Variants in SPAG16 observed in about 807,000 individuals in gnomAD.
The protein encoded by SPAG16 is sperm-associated antigen 16 protein.
In SPAG16, 86 loss-of-function variants were observed where a neutral mutation model predicts 80.4. The observed-to-expected ratio is 1.07, with a 90% CI of 0.90 to 1.28. The LOEUF is 1.28. Among genes scored for constraint, SPAG16 ranks in the 50% most tolerant of loss-of-function variants. The pLI is 0.00. For missense variants in SPAG16, 870 were observed against 765.3 expected (o/e 1.14, Z -1.61); for synonymous variants, 294 against 265.9 (o/e 1.11, Z -1.03).
intron 15 of SPAG16, among the ~76,000 whole-genome samples, chr2:214,309,589 A>G (rs1695144878): frequency 6.6e-6 from 1 of 151,300 alleles, no homozygotes; most frequent in South Asian, 2.1e-4. Context: ...ATCCTATTTG[A>G]TGACCATGAG....
chr2:214,070,042 T>A, intron 13 of SPAG16, among the ~76,000 whole-genome samples: 1 of 151,912 alleles, frequency 6.6e-6, no homozygotes, highest in East Asian at 1.9e-4. Context: ...CTTTTTTAAT[T>A]GCCTATTTTT....
intron 15 of SPAG16, among the ~76,000 whole-genome samples, chr2:214,169,520 T>C (rs893094837): frequency 7.9e-5 from 12 of 151,984 alleles, no homozygotes; most frequent in South Asian, 4.1e-4. Flanking sequence ...TCCGAGCACT[T>C]TGAAGAGATT....
intron 12 of SPAG16, among the ~76,000 whole-genome samples, chr2:213,948,057 A>G (rs951699195): frequency 6.6e-6 from 1 of 152,078 alleles, no homozygotes; most frequent in Non-Finnish European, 1.5e-5. Flanking sequence ...GACTCTCAGT[A>G]GTATCTAATT....
At chr2:213,831,737 A>G (rs2125718475) in intron 10 of SPAG16, among the ~76,000 whole-genome samples, 1 of 152,094 alleles carries the variant, frequency 6.6e-6, no homozygotes, top group South Asian at 2.1e-4. Flanking sequence ...ATGCCACATC[A>G]CCTGTTTGGT....
intron 15 of SPAG16, among the ~76,000 whole-genome samples, chr2:214,355,469 T>C (rs1005432010): frequency 5.6e-5 from 8 of 143,914 alleles, no homozygotes; most frequent in African/African-American, 2.0e-4. Context: ...AAAACCACAA[T>C]GAGATACCAT....
At chr2:213,307,051 C>A (rs534406123) in intron 3 of SPAG16, among the ~76,000 whole-genome samples, 1 of 152,114 alleles carries the variant, frequency 6.6e-6, no homozygotes, top group Admixed American at 6.6e-5. Context: ...CCAAATTATT[C>A]TTTTTGAACT....
chr2:213,665,426 CTG>C (rs2063567446), intron 10 of SPAG16, among the ~76,000 whole-genome samples: 1 of 151,972 alleles, frequency 6.6e-6, no homozygotes, highest in Admixed American at 6.6e-5. Context: ...GGGAACATAT[CTG>C]TGATTATTTC....
At chr2:213,743,087 TAG>T (rs1483481767) in intron 10 of SPAG16, among the ~76,000 whole-genome samples, 2 of 151,164 alleles carry the variant, frequency 1.3e-5, no homozygotes, top group African/African-American at 2.4e-5. Flanking sequence ...GTATTTTTGG[TAG>T]AGACAGGGTT....
At chr2:213,318,389 A>G (rs1317255021) in intron 5 of SPAG16, among the ~76,000 whole-genome samples, 1 of 152,016 alleles carries the variant, frequency 6.6e-6, no homozygotes, top group Non-Finnish European at 1.5e-5. Context: ...CCTTAGTGAA[A>G]TGACTCAGAA....
intron 8 of SPAG16, among the ~76,000 whole-genome samples, chr2:213,367,630 G>A (rs1471972140): frequency 6.6e-6 from 1 of 151,742 alleles, no homozygotes; most frequent in African/African-American, 2.4e-5. Context: ...TTGTTGATGG[G>A]GTTGTTTGTT....
intron 15 of SPAG16, among the ~76,000 whole-genome samples, chr2:214,343,299 A>G (rs1697830939): frequency 6.6e-6 from 1 of 152,178 alleles, no homozygotes; most frequent in African/African-American, 2.4e-5. Flanking sequence ...CTGGCTGTAA[A>G]ACTAAAAGTA....
intron 10 of SPAG16, among the ~76,000 whole-genome samples, chr2:213,629,624 G>A (rs537824258): frequency 1.2e-4 from 18 of 152,194 alleles, no homozygotes; most frequent in Non-Finnish European, 2.6e-4. Context: ...GGAATGATGT[G>A]GCAGTCCTGG....
At chr2:213,755,479 A>G (rs1355338221) in intron 10 of SPAG16, among the ~76,000 whole-genome samples, 1 of 152,242 alleles carries the variant, frequency 6.6e-6, no homozygotes, top group Non-Finnish European at 1.5e-5. Context: ...CTAAAAAAGT[A>G]AACATCTCAA....
chr2:213,944,479 C>T (rs1397692833), intron 12 of SPAG16, among the ~76,000 whole-genome samples: 4 of 152,168 alleles, frequency 2.6e-5, no homozygotes, highest in African/African-American at 9.6e-5. Context: ...AAGTACATAA[C>T]TTAACGGGTT....
intron 10 of SPAG16, among the ~76,000 whole-genome samples, chr2:213,649,279 A>G (rs2062938094): frequency 6.6e-6 from 1 of 152,242 alleles, no homozygotes; most frequent in African/African-American, 2.4e-5. Flanking sequence ...GTAGACTTTT[A>G]TGATCATCTT....
At chr2:213,403,906 A>G (rs1429029208) in intron 9 of SPAG16, among the ~76,000 whole-genome samples, 6 of 152,222 alleles carry the variant, frequency 3.9e-5, no homozygotes, top group Non-Finnish European at 8.8e-5. Context: ...ATTCTTATAC[A>G]CCAATAAGAG....
At chr2:214,135,229 T>G (rs1236864330) in intron 14 of SPAG16, among the ~76,000 whole-genome samples, 1 of 152,196 alleles carries the variant, frequency 6.6e-6, no homozygotes, top group Non-Finnish European at 1.5e-5. Context: ...GGTCATATAT[T>G]AATTGTTTTT....
intron 11 of SPAG16, among the ~76,000 whole-genome samples, chr2:213,908,722 A>G (rs1329295844): frequency 6.6e-6 from 1 of 151,186 alleles, no homozygotes; most frequent in Non-Finnish European, 1.5e-5. Flanking sequence ...GTCACTGATT[A>G]CTTCAGGAAA....
At chr2:213,403,699 C>G (rs1468508737) in intron 9 of SPAG16, among the ~76,000 whole-genome samples, 2 of 152,128 alleles carry the variant, frequency 1.3e-5, no homozygotes, top group African/African-American at 4.8e-5. Flanking sequence ...GTTGGAAGTT[C>G]TGGCCAGGGC....
Sources: allele counts gnomAD v4.1 joint callset (sites outside exome capture counted in the v4.1 genomes callset), GRCh38; gene constraint gnomAD v4.1.1; transcripts MANE v1.5; gene names NCBI Gene and HGNC (gene_info 2026-07-23, HGNC 2026-07-21).